DLG5: variants seen among roughly 807,000 people sequenced by gnomAD.
DLG5 encodes the protein disks large homolog 5.
Under a neutral mutation model 189.8 loss-of-function variants are expected in DLG5, and 48 were observed. The observed-to-expected ratio is 0.25, with a 90% CI of 0.20 to 0.32. The LOEUF is 0.32. DLG5 is among the 10% of genes least tolerant of loss of function. The pLI is 1.00. For synonymous variants in DLG5, 1,016 were observed against 1,054.1 expected, an observed-to-expected ratio of 0.96 and a Z score of 0.70; for missense variants, 2,160 against 2,544.7, an observed-to-expected ratio of 0.85 and a Z score of 3.25.
chr10:77,878,203 G>A (rs1238142358), intron 1 of DLG5, among the ~76,000 whole-genome samples: 2 of 152,248 alleles, frequency 1.3e-5, no homozygotes, highest in African/African-American at 4.8e-5. Context: ...CAGGGCAACT[G>A]TAGCAAGGCA....
At chr10:77,909,471 T>G (rs1455825895) in intron 1 of DLG5, among the ~76,000 whole-genome samples, 2 of 151,888 alleles carry the variant, frequency 1.3e-5, no homozygotes, top group Non-Finnish European at 2.9e-5. Context: ...AGCCTGCGTG[T>G]TCTGCACATG....
In DLG5 at chr10:77,821,470, T is replaced by C. The variant is rs1041330013; in HGVS notation, c.3014A>G (p.Lys1005Arg). Residue 1005 changes from lysine to arginine, a missense_variant, in exon 15 of 32, where the codon AAG becomes AGG. By Grantham distance (26) the Lys-to-Arg change is conservative (BLOSUM62 2). Transcript: ENST00000372391. Reference sequence around the variant, plus strand: ...TGGGGGTGTCAGAGGCCCCGCCCTCTTGGAGGGCTGGGGAGAGTGAGCAGG... The same window carrying C: ...TGGGGGTGTCAGAGGCCCCGCCCTCCTGGAGGGCTGGGGAGAGTGAGCAGG... ...PGPAHSPQPS[K>R]RAGPLTPPKP... is the part of the protein sequence containing the mutation. The C allele has an allele frequency of 6.2e-7, 1 of 1,612,452 alleles. No individual in the cohort carries two copies. The highest frequency in any genetic ancestry group is 1.3e-5 in the African/African-American group (1 of 74,806).
At chr10:77,879,480 G>C (rs1845208640) in intron 1 of DLG5, among the ~76,000 whole-genome samples, 1 of 151,954 alleles carries the variant, frequency 6.6e-6, no homozygotes, top group Non-Finnish European at 1.5e-5. Flanking sequence ...AGGCTCATTA[G>C]ATGATTTGTT....
intron 1 of DLG5, among the ~76,000 whole-genome samples, chr10:77,915,790 G>A (rs981393103): frequency 6.6e-6 from 1 of 152,172 alleles, no homozygotes; most frequent in Non-Finnish European, 1.5e-5. Context: ...ATCCTAAACG[G>A]GATAAGGAGG....
chr10:77,856,626 G>C (rs967494276), intron 3 of DLG5, 104 bp downstream of exon 3: 19 of 1,440,088 alleles, frequency 1.3e-5, no homozygotes, highest in Non-Finnish European at 1.7e-5. Context: ...AGGCAGCGCA[G>C]CCTGGACCCC....
In DLG5 at chr10:77,875,200, T is replaced by G. The variant is rs181447494; in HGVS notation, c.305-6003A>C. On this transcript the variant is annotated intron_variant, in intron 1 of 31. Coordinates refer to ENST00000372391, the MANE Select transcript of DLG5 (RefSeq NM_004747.4). Reference sequence around the variant, plus strand: ...CTGTGCTCTCAAATCCTACACACAATACTGCTGCCCGGCTCCACAGGGAAG... The same window carrying G: ...CTGTGCTCTCAAATCCTACACACAAGACTGCTGCCCGGCTCCACAGGGAAG... 2.4e-3 allele frequency among the ~76,000 whole-genome samples: 361 copies of G among 152,216 alleles called. 2 individuals are homozygous for G. The highest frequency in any genetic ancestry group is 0.024 in the South Asian group (114 of 4,816).
chr10:77,925,775 G>A (rs1589289153), intron 1 of DLG5, among the ~76,000 whole-genome samples: 1 of 152,330 alleles, frequency 6.6e-6, no homozygotes, highest in East Asian at 1.9e-4. Context: ...TGTGGCCCCG[G>A]CACAGGATGG....
intron 3 of DLG5, among the ~76,000 whole-genome samples, chr10:77,855,345 G>C (rs954076248): frequency 9.2e-5 from 14 of 152,264 alleles, no homozygotes; most frequent in Non-Finnish European, 1.3e-4. Context: ...GGGAGGGAAA[G>C]AGAGGCAATG....
chr10:77,900,988 G>A (rs1487376770), intron 1 of DLG5, among the ~76,000 whole-genome samples: 36 of 151,672 alleles, frequency 2.4e-4, no homozygotes, highest in African/African-American at 7.3e-4. Flanking sequence ...GGTGGTGCAC[G>A]CCTATAGTCC....
At chr10:77,797,810 A>G (rs1840999214) in intron 27 of DLG5, among the ~76,000 whole-genome samples, 2 of 152,224 alleles carry the variant, frequency 1.3e-5, no homozygotes, top group African/African-American at 4.8e-5. Flanking sequence ...AGCAGGCTCC[A>G]TGAAGAGCAA....
At position 77,790,819 on chromosome 10, in the gene DLG5, C is replaced by T. The variant is rs1840613876; in HGVS notation, c.*1621G>A. The T allele has an allele frequency of 6.6e-6, 1 of 152,244 alleles. No individual in the cohort carries two copies. Among genetic ancestry groups the T allele is most frequent in the South Asian group, 2.1e-4 (1 of 4,836 alleles). The allele number at this position is 152,244 out of a possible 1,614,324, so 9.4% of individuals were successfully genotyped here. Reference sequence around the variant, plus strand: ...CAGAAATTGACCTTTATTTGTTGTACTAAAGCCTGTTTAACTTTTGATACA... The same window carrying T: ...CAGAAATTGACCTTTATTTGTTGTATTAAAGCCTGTTTAACTTTTGATACA... On this transcript the variant is annotated 3_prime_UTR_variant, in exon 32 of 32. Transcript: ENST00000372391.
At chr10:77,856,523 C>T (rs550295693) in intron 3 of DLG5, among the ~76,000 whole-genome samples, 100 of 152,188 alleles carry the variant, frequency 6.6e-4, no homozygotes, top group African/African-American at 2.4e-3. Flanking sequence ...GGGGCCTTGC[C>T]ACATGTGGGA....
rs537476917 is a variant in DLG5 at position 77,879,896 on chromosome 10, GCAGGCAGATGGATGTA to G, written c.305-10715_305-10700del. Among the ~76,000 whole-genome samples, 525 of 152,100 alleles carry G rather than the reference GCAGGCAGATGGATGTA, an allele frequency of 3.5e-3. 4 individuals are homozygous for G. Among genetic ancestry groups the G allele is most frequent in the Middle Eastern group, 0.031 (9 of 294 alleles). On this transcript the variant is annotated intron_variant, in intron 1 of 31. Coordinates refer to ENST00000372391, the MANE Select transcript of DLG5 (RefSeq NM_004747.4). Reference sequence around the variant, plus strand: ...TACAGACACACAAGGGAGGTGTCAGGCAGGCAGATGGATGTACAGGCCTCAAGTTCACTGACAAGGT... The same window carrying G: ...TACAGACACACAAGGGAGGTGTCAGGCAGGCCTCAAGTTCACTGACAAGGT...
At chr10:77,901,985 C>A (rs1168518639) in intron 1 of DLG5, among the ~76,000 whole-genome samples, 1 of 152,228 alleles carries the variant, frequency 6.6e-6, no homozygotes, top group Non-Finnish European at 1.5e-5. Context: ...AGGCCACTCC[C>A]ACTTTACAGA....
intron 5 of DLG5, among the ~76,000 whole-genome samples, chr10:77,850,083 T>C (rs1413489812): frequency 3.9e-5 from 6 of 152,208 alleles, no homozygotes; most frequent in Non-Finnish European, 7.3e-5. Context: ...ACACAAAGTA[T>C]GCAATTCAGT....
Position 77,873,517 on chromosome 10 carries a change from C to T in DLG5, c.305-4320G>A, listed in dbSNP as rs144386526. On this transcript the variant is annotated intron_variant, in intron 1 of 31. Coordinates refer to ENST00000372391, the MANE Select transcript of DLG5 (RefSeq NM_004747.4). ...CTGTTTACCCCGTGACTCAGTGCCA[C>T]TGGGTCACGAAGACCACTTCAAAAG... is the stretch of plus-strand genomic sequence containing the variant. Among the ~76,000 whole-genome samples the T allele has an allele frequency of 2.4e-3, 360 of 152,246 alleles. 2 individuals are homozygous for T. The highest frequency in any genetic ancestry group is 0.023 in the South Asian group (113 of 4,822).
upstream of DLG5, chr10:77,929,755 C>T (rs995073018): frequency 6.6e-6 from 1 of 152,200 alleles, no homozygotes; most frequent in African/African-American, 2.4e-5. Flanking sequence ...CAGAAGAAAC[C>T]AACCCTCCAA....
At chr10:77,842,226 C>CG (rs1843456735) in intron 6 of DLG5, 33 bp from the exon 7 acceptor site, 1 of 1,584,534 alleles carries the variant, frequency 6.3e-7, no homozygotes, top group Non-Finnish European at 8.5e-7. Flanking sequence ...GTGGGAAGGG[C>CG]GGGGGCCCTG....
intron 1 of DLG5, among the ~76,000 whole-genome samples, chr10:77,882,452 A>G (rs1589250501): frequency 2.0e-5 from 3 of 152,236 alleles, no homozygotes; most frequent in East Asian, 3.9e-4. Context: ...GCTCAGGTCT[A>G]TCTCTGTCCC....
Sources: gnomAD v4.1 joint callset for allele counts (sites outside exome capture counted in the v4.1 genomes callset) on GRCh38, gnomAD v4.1.1 for gene constraint, MANE v1.5 for transcripts, NCBI Gene and HGNC (gene_info 2026-07-23, HGNC 2026-07-21) for gene names.